DIP2A: variants seen among roughly 807,000 people sequenced by gnomAD.
DIP2A encodes DIP2 acetate--CoA ligase A, also known as disco-interacting protein 2 homolog A.
DIP2A carries 85 observed loss-of-function variants against 177.4 expected under a neutral mutation model. That is an observed-to-expected ratio of 0.48 (90% confidence interval 0.40 to 0.57). DIP2A has a LOEUF of 0.57. Among genes scored for constraint, DIP2A ranks in the 20% least tolerant of loss-of-function variants. The pLI, the probability that DIP2A is intolerant of heterozygous loss-of-function variation, is 0.00. For synonymous variants in DIP2A, 886 were observed against 881.8 expected, an observed-to-expected ratio of 1.00 and a Z score of -0.08; for missense variants, 1,791 against 2,100.2, an observed-to-expected ratio of 0.85 and a Z score of 2.88.
intron 11 of DIP2A, 128 bp from the exon 12 acceptor site, chr21:46,533,876 A>G: frequency 2.0e-6 from 2 of 984,242 alleles, no homozygotes; most frequent in Non-Finnish European, 3.0e-6. Context: ...ATAAAATGAA[A>G]TGAGACTAAA....
chr21:46,567,793 A>G lies in DIP2A; in HGVS notation c.*171A>G. 1 of 756,754 alleles carries G rather than the reference A, an allele frequency of 1.3e-6. No individual in the cohort carries two copies. The highest frequency in any genetic ancestry group is 1.9e-6 in the Non-Finnish European group (1 of 517,020). 46.9% of individuals were successfully genotyped at this position (756,754 alleles called of 1,614,324 possible). On this transcript the variant is annotated 3_prime_UTR_variant, in exon 38 of 38. Coordinates refer to ENST00000417564, the MANE Select transcript of DIP2A (RefSeq NM_015151.4). The stretch of plus-strand genomic sequence containing the variant: ...TTAGAAAGCACTTCCTGAATTATTT[A>G]AAGAAATATTTTGAATCTGCCAAGT...
intron 1 of DIP2A, among the ~76,000 whole-genome samples, chr21:46,476,745 G>A (rs369391374): frequency 4.0e-5 from 6 of 149,772 alleles, no homozygotes; most frequent in South Asian, 2.1e-4. Context: ...CAACCTCCAC[G>A]TCCTGGGTTC....
At chr21:46,468,657 G>A (rs1469581860) in intron 1 of DIP2A, among the ~76,000 whole-genome samples, 7 of 152,108 alleles carry the variant, frequency 4.6e-5, no homozygotes, top group Admixed American at 3.9e-4. Context: ...ATACTGTATT[G>A]TATATTTAAA....
intron 1 of DIP2A, among the ~76,000 whole-genome samples, chr21:46,459,854 G>T (rs1460273323): frequency 6.6e-6 from 1 of 152,100 alleles, no homozygotes; most frequent in Non-Finnish European, 1.5e-5. Flanking sequence ...GACTGGCTTT[G>T]ACTAGGTCGT....
chr21:46,470,500 C>T (rs749017588), intron 1 of DIP2A, among the ~76,000 whole-genome samples: 12 of 150,818 alleles, frequency 8.0e-5, no homozygotes, highest in African/African-American at 2.0e-4. Flanking sequence ...GGGCCAGGCA[C>T]GGTAGCTCAC....
intron 1 of DIP2A, among the ~76,000 whole-genome samples, chr21:46,475,632 A>G (rs1017556842): frequency 1.3e-5 from 2 of 152,232 alleles, no homozygotes; most frequent in African/African-American, 4.8e-5. Context: ...AAATATTTCA[A>G]ACATACCAAA....
intron 1 of DIP2A, among the ~76,000 whole-genome samples, chr21:46,484,127 A>G (rs978243246): frequency 1.3e-5 from 2 of 152,076 alleles, no homozygotes; most frequent in African/African-American, 2.4e-5. Context: ...CCCTTATTGC[A>G]ATACTTGTGA....
intron 1 of DIP2A, among the ~76,000 whole-genome samples, chr21:46,475,240 G>A (rs1032770182): frequency 1.1e-4 from 16 of 152,216 alleles, no homozygotes; most frequent in African/African-American, 3.6e-4. Context: ...TCACCATGTG[G>A]CTTTAGCTCA....
intron 23 of DIP2A, 43 bp from the exon 24 acceptor site, chr21:46,551,591 T>A: frequency 6.5e-7 from 1 of 1,538,118 alleles, no homozygotes; most frequent in Non-Finnish European, 8.9e-7. Context: ...TGTTTATATA[T>A]GAGAAGTCAC....
chr21:46,501,425 A>G (rs567856701), intron 5 of DIP2A, among the ~76,000 whole-genome samples: 3 of 145,572 alleles, frequency 2.1e-5, no homozygotes, highest in South Asian at 4.3e-4. Context: ...TTTTTTTTTT[A>G]TTTTTCCACC....
intron 15 of DIP2A, among the ~76,000 whole-genome samples, chr21:46,538,137 A>G (rs892830648): frequency 1.3e-5 from 2 of 152,108 alleles, no homozygotes; most frequent in Non-Finnish European, 2.9e-5. Context: ...TGGGGTCCTC[A>G]CACTTCTCAG....
At chr21:46,512,067 C>CCCTT (rs2058338860) in intron 8 of DIP2A, among the ~76,000 whole-genome samples, 1 of 152,064 alleles carries the variant, frequency 6.6e-6, no homozygotes, top group African/African-American at 2.4e-5. Flanking sequence ...CCCCTCACAC[C>CCCTT]CCTTCCACAC....
intron 18 of DIP2A, among the ~76,000 whole-genome samples, chr21:46,543,466 C>T (rs562445854): frequency 2.6e-5 from 4 of 151,750 alleles, no homozygotes; most frequent in Admixed American, 6.6e-5. Flanking sequence ...CTCCACCAGA[C>T]GTGCATGCAG....
intron 28 of DIP2A, 95 bp from the exon 29 acceptor site, chr21:46,555,887 A>G: frequency 1.1e-6 from 1 of 944,634 alleles, no homozygotes; most frequent in East Asian, 2.4e-5. Context: ...AGGACTCCCA[A>G]GGACAAATCA....
intron 8 of DIP2A, among the ~76,000 whole-genome samples, chr21:46,527,892 T>C (rs2059171482): frequency 6.6e-6 from 1 of 152,132 alleles, no homozygotes; most frequent in African/African-American, 2.4e-5. Context: ...TCCTGTCCCA[T>C]GGTCACCCCT....
intron 5 of DIP2A, among the ~76,000 whole-genome samples, chr21:46,499,155 G>A (rs1284510540): frequency 6.6e-6 from 1 of 152,132 alleles, no homozygotes; most frequent in African/African-American, 2.4e-5. Flanking sequence ...CCCCCATCAA[G>A]ACCTACGTAT....
rs3061062 is a variant in DIP2A at position 46,524,872 on chromosome 21, C to CTTT, written c.1103-4190_1103-4188dup. On this transcript the variant is annotated intron_variant, in intron 8 of 37. Coordinates refer to ENST00000417564, the MANE Select transcript of DIP2A (RefSeq NM_015151.4). ...TTTCTTTTATGATTTTTGCTTTTTG[C>CTTT]TTTTTTTTTTTTTTTTTTTTTTTTT... is the stretch of plus-strand genomic sequence containing the variant. Among the ~76,000 whole-genome samples, 166 of 63,346 alleles carry CTTT rather than the reference C, an allele frequency of 2.6e-3. 3 individuals carry two copies. The highest frequency in any genetic ancestry group is 3.0e-3 in the Non-Finnish European group (107 of 35,356). The allele number at this position is 63,346 out of a possible 152,430, so 41.6% of individuals were successfully genotyped here.
At chr21:46,553,329 A>G (rs1392063930) in intron 25 of DIP2A, 2 of 152,326 alleles carry the variant, frequency 1.3e-5, no homozygotes, top group African/African-American at 4.8e-5. Context: ...TTGATGTTAC[A>G]CTGGTCTGCT....
At chr21:46,470,951 T>G (rs992889163) in intron 1 of DIP2A, among the ~76,000 whole-genome samples, 1 of 149,312 alleles carries the variant, frequency 6.7e-6, no homozygotes, top group African/African-American at 2.5e-5. Flanking sequence ...AAAAAAAGAA[T>G]TCATATTATT....
Sources: gnomAD v4.1 joint callset for allele counts (sites outside exome capture counted in the v4.1 genomes callset) on GRCh38, gnomAD v4.1.1 for gene constraint, MANE v1.5 for transcripts, NCBI Gene and HGNC (gene_info 2026-07-23, HGNC 2026-07-21) for gene names.